The following MGMT variants were observed in gnomAD, a reference collection of about 807,000 sequenced individuals.
The protein encoded by MGMT is methylated-DNA--protein-cysteine methyltransferase.
Under a neutral mutation model 15.9 loss-of-function variants are expected in MGMT, and 14 were observed. That is an observed-to-expected ratio of 0.88 (90% CI 0.58 to 1.37). The LOEUF is 1.37. Among genes scored for constraint, MGMT ranks in the 40% most tolerant of loss-of-function variants. The probability of loss-of-function intolerance (pLI) is 0.00; values close to 1 mark genes in which losing one functional copy is unlikely to be tolerated. For synonymous variants in MGMT, 130 were observed against 118.2 expected (o/e 1.10, Z -0.65); for missense variants, 282 against 268.1 (o/e 1.05, Z -0.36).
intron 4 of MGMT, among the ~76,000 whole-genome samples, chr10:129,763,475 A>G (rs1018230253): frequency 6.6e-6 from 1 of 152,180 alleles, no homozygotes; most frequent in Non-Finnish European, 1.5e-5. Context: ...TGTCGGGGTC[A>G]TTGTTATTCC....
chr10:129,689,307 T>C (rs1458547466), intron 2 of MGMT, among the ~76,000 whole-genome samples: 7 of 152,230 alleles, frequency 4.6e-5, no homozygotes, highest in Non-Finnish European at 4.4e-5. Context: ...AAATATTTCA[T>C]TGAAAATTGC....
At chr10:129,479,813 G>A (rs1429555898) in intron 1 of MGMT, among the ~76,000 whole-genome samples, 8 of 151,380 alleles carry the variant, frequency 5.3e-5, no homozygotes, top group Non-Finnish European at 1.0e-4. Flanking sequence ...GGTGGGGTGG[G>A]ATCTGTGTTT....
At chr10:129,512,336 TTGCTA>T (rs1845692860) in intron 1 of MGMT, among the ~76,000 whole-genome samples, 1 of 152,216 alleles carries the variant, frequency 6.6e-6, no homozygotes. Flanking sequence ...GAACAAGTGT[TTGCTA>T]TGCTCATTTT....
chr10:129,653,771 GC>G (rs1464087756), intron 2 of MGMT, among the ~76,000 whole-genome samples: 1 of 152,236 alleles, frequency 6.6e-6, no homozygotes, highest in Non-Finnish European at 1.5e-5. Context: ...TTCTGGGAAG[GC>G]TATTTCTGCA....
intron 2 of MGMT, among the ~76,000 whole-genome samples, chr10:129,618,665 G>A (rs1847056315): frequency 8.0e-6 from 1 of 125,516 alleles, no homozygotes; most frequent in Non-Finnish European, 1.8e-5. Flanking sequence ...ATCTCAACAT[G>A]GTTTTGTAAT....
At chr10:129,515,601 G>A (rs1289960185) in intron 1 of MGMT, among the ~76,000 whole-genome samples, 1 of 152,188 alleles carries the variant, frequency 6.6e-6, no homozygotes, top group African/African-American at 2.4e-5. Flanking sequence ...GGCTGAGCGC[G>A]GGGCAGTTTC....
intron 3 of MGMT, among the ~76,000 whole-genome samples, chr10:129,743,399 C>T (rs541455509): frequency 6.6e-6 from 1 of 152,312 alleles, no homozygotes; most frequent in African/African-American, 2.4e-5. Flanking sequence ...CTCTGTGGCC[C>T]TCCGTTGGCC....
At chr10:129,584,393 A>G (rs1846593813) in intron 2 of MGMT, among the ~76,000 whole-genome samples, 1 of 152,084 alleles carries the variant, frequency 6.6e-6, no homozygotes, top group Non-Finnish European at 1.5e-5. Context: ...TCATATTTCA[A>G]AAAGCATGTA....
intron 1 of MGMT, among the ~76,000 whole-genome samples, chr10:129,485,786 C>T (rs1420398390): frequency 6.6e-6 from 1 of 152,116 alleles, no homozygotes; most frequent in Non-Finnish European, 1.5e-5. Flanking sequence ...GGATCCCCAC[C>T]AAGTTATTAG....
intron 1 of MGMT, among the ~76,000 whole-genome samples, chr10:129,512,275 C>A (rs1413909725): frequency 6.6e-6 from 1 of 152,156 alleles, no homozygotes; most frequent in Non-Finnish European, 1.5e-5. Flanking sequence ...TTCTTTATAT[C>A]AACTTATTTT....
chr10:129,568,458 G>A (rs1217902541), intron 2 of MGMT, among the ~76,000 whole-genome samples: 1 of 152,114 alleles, frequency 6.6e-6, no homozygotes, highest in Non-Finnish European at 1.5e-5. Flanking sequence ...TTCCAAAGAC[G>A]ACACCGAAGA....
chr10:129,741,111 G>A (rs1023627582), intron 3 of MGMT, among the ~76,000 whole-genome samples: 1 of 152,076 alleles, frequency 6.6e-6, no homozygotes, highest in Non-Finnish European at 1.5e-5. Flanking sequence ...CTCTGTTTTG[G>A]CAAACTTTCT....
intron 2 of MGMT, among the ~76,000 whole-genome samples, chr10:129,580,575 C>T (rs2133046243): frequency 6.6e-6 from 1 of 152,318 alleles, no homozygotes; most frequent in African/African-American, 2.4e-5. Context: ...TCAGACCTGG[C>T]TCCTGAGAGG....
chr10:129,573,925 T>G (rs1846448649), intron 2 of MGMT, among the ~76,000 whole-genome samples: 1 of 152,256 alleles, frequency 6.6e-6, no homozygotes, highest in South Asian at 2.1e-4. Context: ...AATTTTTATA[T>G]CATTAACCAA....
chr10:129,560,859 C>T (rs1290414393), intron 2 of MGMT, among the ~76,000 whole-genome samples: 1 of 151,994 alleles, frequency 6.6e-6, no homozygotes. Context: ...TCATTGAAAG[C>T]ATCGAAATAT....
At chr10:129,500,221 G>C (rs547333340) in intron 1 of MGMT, among the ~76,000 whole-genome samples, 16 of 152,172 alleles carry the variant, frequency 1.1e-4, no homozygotes, top group Non-Finnish European at 4.4e-5. Flanking sequence ...CCTCATTGGC[G>C]CTGATTTGGG....
At chr10:129,484,916 A>G (rs986631433) in intron 1 of MGMT, among the ~76,000 whole-genome samples, 5 of 151,690 alleles carry the variant, frequency 3.3e-5, no homozygotes, top group East Asian at 1.9e-4. Context: ...GTATATATGT[A>G]TGTGTGTGTG....
At chr10:129,745,450 C>T (rs1382455049) in intron 3 of MGMT, among the ~76,000 whole-genome samples, 1 of 152,118 alleles carries the variant, frequency 6.6e-6, no homozygotes, top group Non-Finnish European at 1.5e-5. Context: ...TTCTCCAACA[C>T]CGTGGCTTTG....
At position 129,530,933 on chromosome 10, in the gene MGMT, C is replaced by T. The variant is rs531329406; in HGVS notation, c.-12-5308C>T. ...CTCTCAGCTGCCCACACTCTCCCCCCGAAGTGTGGCCCCAGCCCTGCGGAG... is the reference window on the plus strand; with the variant it reads ...CTCTCAGCTGCCCACACTCTCCCCCTGAAGTGTGGCCCCAGCCCTGCGGAG... On this transcript the variant is annotated intron_variant, in intron 1 of 4. Transcript: ENST00000651593. Among the ~76,000 whole-genome samples the T allele has an allele frequency of 3.9e-5, 6 of 152,358 alleles. No individual in the cohort carries two copies. The East Asian group carries it at 5.8e-4, about 15-fold the overall frequency.
Sources: gnomAD v4.1 joint callset for allele counts (sites outside exome capture counted in the v4.1 genomes callset) on GRCh38, gnomAD v4.1.1 for gene constraint, MANE v1.5 for transcripts, NCBI Gene and HGNC (gene_info 2026-07-23, HGNC 2026-07-21) for gene names.